The following EEIG1 variants were observed in gnomAD, a reference collection of about 807,000 sequenced individuals.
The protein encoded by EEIG1 is estrogen-induced osteoclastogenesis regulator 1.
the EEIG1 span, chr9:127,945,278 G>A: frequency 1.5e-5 from 16 of 1,101,460 alleles, no homozygotes; most frequent in African/African-American, 1.3e-4. The surrounding 1 kb of genome is among the most constrained non-coding windows in gnomAD (Gnocchi z 6.5). Context: ...GGGACCTTAC[G>A]GTCCCTGTGT....
the EEIG1 span, among the ~76,000 whole-genome samples, chr9:127,961,282 G>T: frequency 3.7e-5 from 1 of 27,044 alleles, no homozygotes; most frequent in African/African-American, 6.9e-5. Context: ...CCCCAGGCAG[G>T]TGGCATGCAT....
At chr9:127,951,300 C>T in the EEIG1 span, among the ~76,000 whole-genome samples, 1 of 152,168 alleles carries the variant, frequency 6.6e-6, no homozygotes. Context: ...CCACCTCCTG[C>T]CCAGCTCTGC....
chr9:127,943,243 G>A, the EEIG1 span: 2 of 1,614,110 alleles, frequency 1.2e-6, no homozygotes, highest in South Asian at 1.1e-5. Flanking sequence ...AGACCCTGCA[G>A]GTGAGAGACA....
the EEIG1 span, among the ~76,000 whole-genome samples, chr9:127,949,171 G>A: frequency 3.9e-3 from 592 of 152,010 alleles, 7 homozygotes; most frequent in African/African-American, 0.014. Flanking sequence ...AAAATTAGCC[G>A]GGCGTGGTGG....
chr9:127,965,064 G>GCGCCAT, the EEIG1 span, among the ~76,000 whole-genome samples: 1 of 143,860 alleles, frequency 7.0e-6, no homozygotes, highest in East Asian at 2.4e-4. Context: ...AGCCAAGATC[G>GCGCCAT]CGCCATCGCA....
the EEIG1 span, among the ~76,000 whole-genome samples, chr9:127,960,526 C>T: frequency 6.6e-6 from 1 of 152,088 alleles, no homozygotes; most frequent in Non-Finnish European, 1.5e-5. Flanking sequence ...CCAGAGGAGG[C>T]CCAAGCTTGA....
chr9:127,950,152 A>G, the EEIG1 span, among the ~76,000 whole-genome samples: 1 of 152,228 alleles, frequency 6.6e-6, no homozygotes, highest in Non-Finnish European at 1.5e-5. Context: ...GCATGCAATC[A>G]GCATGACGTG....
At chr9:127,950,724 C>G in the EEIG1 span, 1 of 1,397,734 alleles carries the variant, frequency 7.2e-7, no homozygotes, top group South Asian at 1.5e-5. Flanking sequence ...GTCGGCAGCA[C>G]CAACATGGCA....
the EEIG1 span, chr9:127,945,855 G>A: frequency 5.1e-6 from 4 of 786,418 alleles, no homozygotes; most frequent in Non-Finnish European, 8.4e-6. The surrounding 1 kb of genome is among the most constrained non-coding windows in gnomAD (Gnocchi z 6.5). Context: ...CCATGGCAGG[G>A]CGCCATTTAA....
the EEIG1 span, among the ~76,000 whole-genome samples, chr9:127,965,552 T>C: frequency 6.6e-6 from 1 of 151,946 alleles, no homozygotes; most frequent in African/African-American, 2.4e-5. Flanking sequence ...ATCACTTAAG[T>C]CCCTTGCCTG....
chr9:127,955,214 C>G, the EEIG1 span, among the ~76,000 whole-genome samples: 1 of 152,190 alleles, frequency 6.6e-6, no homozygotes, highest in South Asian at 2.1e-4. Context: ...GGCAGAGGGT[C>G]GGAGAGGGCC....
the EEIG1 span, chr9:127,945,270 G>T: frequency 9.7e-7 from 1 of 1,027,366 alleles, no homozygotes; most frequent in South Asian, 1.7e-5. The surrounding 1 kb of genome is among the most constrained non-coding windows in gnomAD (Gnocchi z 6.5). Context: ...CTGAGGTGGG[G>T]ACCTTACGGT....
At chr9:127,976,198 C>T in the EEIG1 span, among the ~76,000 whole-genome samples, 4 of 152,320 alleles carry the variant, frequency 2.6e-5, no homozygotes, top group African/African-American at 9.6e-5. The surrounding 1 kb of genome is among the most constrained non-coding windows in gnomAD (Gnocchi z 4.1). Flanking sequence ...CAAGGCAAGA[C>T]AGGGCCTTAG....
the EEIG1 span, chr9:127,950,714 G>C: frequency 7.1e-7 from 1 of 1,403,016 alleles, no homozygotes. Context: ...GAGGCCCCGG[G>C]TCGGCAGCAC....
At chr9:127,951,800 G>A in the EEIG1 span, among the ~76,000 whole-genome samples, 34 of 140,436 alleles carry the variant, frequency 2.4e-4, no homozygotes, top group African/African-American at 8.7e-4. Context: ...CTGGGCGACA[G>A]CGAGACTCCA....
At chr9:127,945,391 A>G in the EEIG1 span, 2 of 1,587,352 alleles carry the variant, frequency 1.3e-6, no homozygotes, top group Non-Finnish European at 1.7e-6. This position sits in a 1 kb window ranked among gnomAD's most constrained non-coding sequence, Gnocchi z 6.5. Flanking sequence ...GGACAGATGC[A>G]GGGGCCGGGG....
the EEIG1 span, chr9:127,944,526 G>A: frequency 6.5e-5 from 61 of 945,664 alleles, no homozygotes; most frequent in Non-Finnish European, 7.8e-5. Context: ...AAGATTTGGC[G>A]TTCAAGGCCA....
At chr9:127,980,275 G>T in the EEIG1 span, 2 of 1,013,516 alleles carry the variant, frequency 2.0e-6, no homozygotes, top group Admixed American at 5.2e-5. Flanking sequence ...GGCGGAGATC[G>T]GAGTCCGGGG....
the EEIG1 span, chr9:127,945,485 C>G: frequency 6.4e-7 from 1 of 1,567,136 alleles, no homozygotes; most frequent in Non-Finnish European, 8.6e-7. This position sits in a 1 kb window ranked among gnomAD's most constrained non-coding sequence, Gnocchi z 6.5. Flanking sequence ...CCCCCAGAGG[C>G]GCTGCTGCTG....
Sources: allele counts gnomAD v4.1 joint callset (sites outside exome capture counted in the v4.1 genomes callset), GRCh38; gene constraint gnomAD v4.1.1; non-coding constraint Gnocchi (gnomAD v3.1); transcripts MANE v1.5; gene names NCBI Gene and HGNC (gene_info 2026-07-23, HGNC 2026-07-21).